The following SCFD2 variants were observed in gnomAD, a reference collection of about 807,000 sequenced individuals.
The protein encoded by SCFD2 is sec1 family domain-containing protein 2.
Under a neutral mutation model 58.9 loss-of-function variants are expected in SCFD2, and 54 were observed. The ratio of observed to expected loss-of-function variants is 0.92; its 90% CI spans 0.74 to 1.15. The LOEUF is 1.15. SCFD2 is among the 50% of genes most tolerant of loss of function. The pLI, the probability that SCFD2 is intolerant of heterozygous loss-of-function variation, is 0.00. For synonymous variants in SCFD2, 321 were observed against 335.9 expected (o/e 0.96, Z 0.49); for missense variants, 805 against 836.6 (o/e 0.96, Z 0.47).
intron 5 of SCFD2, among the ~76,000 whole-genome samples, chr4:52,991,169 T>C (rs187817889): frequency 5.8e-4 from 89 of 152,276 alleles, no homozygotes; most frequent in African/African-American, 2.1e-3. Flanking sequence ...GGGAGATAGA[T>C]GGTTGGTGTT....
intron 4 of SCFD2, among the ~76,000 whole-genome samples, chr4:53,178,313 C>T (rs1228636001): frequency 2.6e-5 from 4 of 152,182 alleles, no homozygotes; most frequent in South Asian, 2.1e-4. Flanking sequence ...TCCAGAGGAA[C>T]GGTCAGGCAG....
chr4:53,025,177 G>C (rs890043127), intron 5 of SCFD2, among the ~76,000 whole-genome samples: 1 of 152,170 alleles, frequency 6.6e-6, no homozygotes, highest in Non-Finnish European at 1.5e-5. Flanking sequence ...GGCCACATCT[G>C]AAACAGAAAT....
chr4:53,007,215 G>T (rs1721987906), intron 5 of SCFD2, among the ~76,000 whole-genome samples: 2 of 150,014 alleles, frequency 1.3e-5, no homozygotes, highest in African/African-American at 2.5e-5. Flanking sequence ...GGAGTTTAAG[G>T]TTACAGTGAG....
chr4:53,335,280 T>A (rs1469017165), intron 2 of SCFD2, among the ~76,000 whole-genome samples: 17 of 143,924 alleles, frequency 1.2e-4, no homozygotes, highest in Non-Finnish European at 2.0e-4. Context: ...CAGAAATACA[T>A]AACCTGAATC....
chr4:53,168,244 G>A (rs1727072719), intron 4 of SCFD2, among the ~76,000 whole-genome samples: 1 of 152,196 alleles, frequency 6.6e-6, no homozygotes, highest in Non-Finnish European at 1.5e-5. Flanking sequence ...CAATTCATCT[G>A]TTCATTCAGG....
At chr4:52,935,623 T>C (rs1015496764) in intron 5 of SCFD2, among the ~76,000 whole-genome samples, 3 of 152,212 alleles carry the variant, frequency 2.0e-5, no homozygotes, top group Non-Finnish European at 4.4e-5. Flanking sequence ...GGATCCACCA[T>C]TGTGTCTCAC....
chr4:53,021,714 G>C (rs1722353565), intron 5 of SCFD2, among the ~76,000 whole-genome samples: 1 of 152,120 alleles, frequency 6.6e-6, no homozygotes, highest in South Asian at 2.1e-4. Context: ...GAAAGGAAGA[G>C]AGATGGTAGA....
intron 4 of SCFD2, among the ~76,000 whole-genome samples, chr4:53,192,548 A>T (rs1403006237): frequency 6.6e-6 from 1 of 152,202 alleles, no homozygotes; most frequent in African/African-American, 2.4e-5. Flanking sequence ...TTTATTTAAA[A>T]AATCAGAGGG....
At chr4:53,362,830 G>A (rs576383519) in intron 1 of SCFD2, among the ~76,000 whole-genome samples, 12 of 152,278 alleles carry the variant, frequency 7.9e-5, no homozygotes, top group African/African-American at 2.9e-4. Flanking sequence ...TGAGAGAAGT[G>A]AAAAGAGAGG....
intron 4 of SCFD2, among the ~76,000 whole-genome samples, chr4:53,232,969 G>A (rs1345214690): frequency 6.6e-6 from 1 of 152,144 alleles, no homozygotes; most frequent in Non-Finnish European, 1.5e-5. Flanking sequence ...CTCCTGTCTA[G>A]TCTCAGGCAC....
chr4:53,016,073 C>T (rs544307928), intron 5 of SCFD2, among the ~76,000 whole-genome samples: 172 of 152,340 alleles, frequency 1.1e-3, no homozygotes, highest in African/African-American at 4.1e-3. Context: ...CATTTTCCTA[C>T]ACGGTCACCT....
chr4:52,999,373 C>T (rs897543309), intron 5 of SCFD2, among the ~76,000 whole-genome samples: 3 of 152,114 alleles, frequency 2.0e-5, no homozygotes, highest in Admixed American at 6.5e-5. Flanking sequence ...CATCAGATTG[C>T]AATTCTGTTC....
chr4:52,975,264 C>A (rs939796914), intron 5 of SCFD2, among the ~76,000 whole-genome samples: 4 of 152,136 alleles, frequency 2.6e-5, no homozygotes, highest in African/African-American at 9.7e-5. Flanking sequence ...TTTTTGCAAC[C>A]TACTCATCTG....
chr4:53,259,876 A>G (rs897440586), intron 4 of SCFD2, among the ~76,000 whole-genome samples: 11 of 151,740 alleles, frequency 7.2e-5, no homozygotes, highest in Middle Eastern at 3.2e-3. Context: ...ATTTGTTTGT[A>G]TCATCTATGA....
chr4:53,133,852 C>T (rs1438543585), intron 5 of SCFD2, among the ~76,000 whole-genome samples: 1 of 152,218 alleles, frequency 6.6e-6, no homozygotes, highest in African/African-American at 2.4e-5. Flanking sequence ...TAGACTATGC[C>T]TACCTTCCCA....
intron 5 of SCFD2, among the ~76,000 whole-genome samples, chr4:53,003,226 A>G (rs1721903052): frequency 6.6e-6 from 1 of 152,150 alleles, no homozygotes; most frequent in African/African-American, 2.4e-5. Context: ...TTCATGCCAT[A>G]TGGCAGGCAC....
At chr4:53,259,406 G>A (rs949370676) in intron 4 of SCFD2, among the ~76,000 whole-genome samples, 1 of 152,196 alleles carries the variant, frequency 6.6e-6, no homozygotes, top group Non-Finnish European at 1.5e-5. Context: ...TAAGGTGAGA[G>A]ATGAGGATCC....
chr4:53,305,321 T>C (rs1215686455), intron 3 of SCFD2, among the ~76,000 whole-genome samples: 1 of 152,198 alleles, frequency 6.6e-6, no homozygotes, highest in East Asian at 1.9e-4. Context: ...TTTATTTTTG[T>C]ATATAGTGTA....
intron 5 of SCFD2, among the ~76,000 whole-genome samples, chr4:53,048,844 C>T (rs530093534): frequency 6.6e-6 from 1 of 152,120 alleles, no homozygotes; most frequent in South Asian, 2.1e-4. Flanking sequence ...TCCTCTGCCT[C>T]CCCATTTCCT....
Sources: gnomAD v4.1 joint callset for allele counts (sites outside exome capture counted in the v4.1 genomes callset) on GRCh38, gnomAD v4.1.1 for gene constraint, MANE v1.5 for transcripts, NCBI Gene and HGNC (gene_info 2026-07-23, HGNC 2026-07-21) for gene names.